Variants in MAL observed in about 807,000 individuals in gnomAD.
MAL encodes myelin and lymphocyte protein.
MAL carries 5 observed loss-of-function variants against 16.7 expected under a neutral mutation model. That is an observed-to-expected ratio of 0.30 (90% confidence interval 0.16 to 0.63). The LOEUF is 0.63. Among genes scored for constraint, MAL ranks in the 30% least tolerant of loss-of-function variants. MAL has a pLI of 0.82. For synonymous variants in MAL, 96 were observed against 85.5 expected (o/e 1.12, Z -0.67); for missense variants, 202 against 195.8 (o/e 1.03, Z -0.19).
chr2:95,042,192 G>A (rs1158865072), intron 1 of MAL, among the ~76,000 whole-genome samples: 1 of 152,226 alleles, frequency 6.6e-6, no homozygotes, highest in African/African-American at 2.4e-5. Flanking sequence ...AGGCTGGGCA[G>A]GACCTGGAGG....
Position 95,047,947 on chromosome 2 carries a change from C to A in MAL, c.94-12C>A. 7 of 1,611,726 alleles carry A rather than the reference C, an allele frequency of 4.3e-6. No individual in the cohort carries two copies. The highest frequency in any genetic ancestry group is 5.9e-6 in the Non-Finnish European group (7 of 1,178,862). On this transcript the variant is annotated splice_polypyrimidine_tract_variant and intron_variant, in intron 1 of 3. Transcript: ENST00000309988. Reference sequence around the variant, plus strand: ...CTCTAGGCCAAAACTCACCCCTCCTCCTCCCCCGCAGATCTTCGGGGGCCT... The same window carrying A: ...CTCTAGGCCAAAACTCACCCCTCCTACTCCCCCGCAGATCTTCGGGGGCCT...
At chr2:95,040,828 A>G (rs1434503390) in intron 1 of MAL, among the ~76,000 whole-genome samples, 1 of 152,170 alleles carries the variant, frequency 6.6e-6, no homozygotes, top group Non-Finnish European at 1.5e-5. Context: ...ACAATGGTGC[A>G]CAGCCTCTGT....
intron 1 of MAL, among the ~76,000 whole-genome samples, chr2:95,028,547 C>T (rs540097967): frequency 6.7e-4 from 102 of 152,216 alleles, no homozygotes; most frequent in African/African-American, 2.4e-3. Context: ...TACCCTCTGA[C>T]CCAGCAATTC....
chr2:95,028,152 C>CAAAAAAAAAAAAAAAAAAAA (rs898443996), intron 1 of MAL, among the ~76,000 whole-genome samples: 1 of 39,702 alleles, frequency 2.5e-5, no homozygotes, highest in African/African-American at 1.0e-4. Flanking sequence ...ACTAAAAATA[C>CAAAAAAAAAAAAAAAAAAAA]AAAAAAAAAA....
intron 1 of MAL, among the ~76,000 whole-genome samples, chr2:95,040,628 G>A (rs1674438604): frequency 6.6e-6 from 1 of 152,182 alleles, no homozygotes; most frequent in South Asian, 2.1e-4. Flanking sequence ...TGAATAGATT[G>A]CCAGAAACAT....
Position 95,025,810 on chromosome 2 carries a change from G to C in MAL, c.18G>C (p.Ala6=), listed in dbSNP as rs1573281248. The part of the protein sequence containing the change: MAPAA[A]TGGSTLPSGF... ...ACGCCGTCATGGCCCCCGCAGCGGC[G>C]ACGGGGGGCAGCACCCTGCCCAGTG... Residue 6 remains alanine (A), a synonymous_variant, in exon 1 of 4, where the codon GCG becomes GCC. Coordinates refer to ENST00000309988, the MANE Select transcript of MAL (RefSeq NM_002371.4). The surrounding 1 kb of genome is among the most constrained non-coding windows in gnomAD (Gnocchi z 5.6). 1 of 1,561,704 alleles carries C rather than the reference G, an allele frequency of 6.4e-7. No individual in the cohort carries two copies. Among genetic ancestry groups the C allele is most frequent in the South Asian group, 1.2e-5 (1 of 83,576 alleles).
At chr2:95,053,243 T>A (rs1278897164) in intron 3 of MAL, 138 bp from the exon 4 acceptor site, 4 of 705,640 alleles carry the variant, frequency 5.7e-6, no homozygotes, top group Non-Finnish European at 1.0e-5. Context: ...AGGGCGTCCA[T>A]GTGAGGGTGA....
Position 95,049,690 on chromosome 2 carries a change from A to G in MAL, c.371A>G (p.Glu124Gly). 1 of 1,614,070 alleles carries G rather than the reference A, an allele frequency of 6.2e-7. No homozygotes were observed. The highest frequency in any genetic ancestry group is 8.5e-7 in the Non-Finnish European group (1 of 1,180,004). ...GGCTTCACCTACAGGCACTACCATG[A>G]AAACATTGCTGCCGTGGTGAGTCCG... is the stretch of plus-strand genomic sequence containing the variant. The part of the protein sequence containing the change: ...QDGFTYRHYH[E>G]NIAAVVFSYI... The change falls in exon 3 of 4, where the codon GAA becomes GGA. Residue 124 changes from glutamate (E) to glycine (G), a missense_variant. By Grantham distance (98) the Glu-to-Gly change is moderately conservative. Coordinates refer to ENST00000309988, the MANE Select transcript of MAL (RefSeq NM_002371.4).
intron 1 of MAL, among the ~76,000 whole-genome samples, chr2:95,035,969 A>G (rs966168330): frequency 6.6e-6 from 1 of 152,156 alleles, no homozygotes; most frequent in Non-Finnish European, 1.5e-5. Flanking sequence ...GTGCCCAGCA[A>G]CAGCTCTTCG....
chr2:95,038,023 T>A (rs1176109343), intron 1 of MAL, among the ~76,000 whole-genome samples: 50 of 92,666 alleles, frequency 5.4e-4, no homozygotes, highest in Middle Eastern at 0.011. Flanking sequence ...TGAGTGACTG[T>A]GTGAGTGACT....
chr2:95,041,844 G>A (rs1221165381), intron 1 of MAL, among the ~76,000 whole-genome samples: 1 of 152,076 alleles, frequency 6.6e-6, no homozygotes, highest in East Asian at 1.9e-4. Flanking sequence ...CATTTCATTG[G>A]GTAGACCATG....
In MAL at chr2:95,053,581, T is replaced by G; in HGVS notation, c.*126T>G. On this transcript the variant is annotated 3_prime_UTR_variant, in exon 4 of 4. Transcript: ENST00000309988. ...AAAAAGAAAACAACCACCCCCCCAC[T>G]GCCCAAAAAAAAAAGCCCTGCCCTG... The G allele has an allele frequency of 2.9e-6, 2 of 693,594 alleles. No individual in the cohort carries two copies. Among genetic ancestry groups the G allele is most frequent in the Non-Finnish European group, 2.4e-6 (1 of 410,610 alleles). 43.0% of individuals were successfully genotyped at this position (693,594 alleles called of 1,614,324 possible).
chr2:95,032,262 C>T (rs2104331621), intron 1 of MAL, among the ~76,000 whole-genome samples: 1 of 152,388 alleles, frequency 6.6e-6, no homozygotes, highest in South Asian at 2.1e-4. Flanking sequence ...TATTGTGCTG[C>T]CAGCACAGAC....
At chr2:95,028,149 A>C (rs1673988659) in intron 1 of MAL, among the ~76,000 whole-genome samples, 1 of 146,204 alleles carries the variant, frequency 6.8e-6, no homozygotes, top group African/African-American at 2.5e-5. Flanking sequence ...TCTACTAAAA[A>C]TACAAAAAAA....
At chr2:95,042,720 G>A (rs1337618986) in intron 1 of MAL, among the ~76,000 whole-genome samples, 1 of 152,150 alleles carries the variant, frequency 6.6e-6, no homozygotes, top group East Asian at 1.9e-4. Flanking sequence ...CAAAATAATT[G>A]CCTCTTTGCA....
intron 1 of MAL, among the ~76,000 whole-genome samples, chr2:95,039,360 CTGACTGAGTAACTGAG>C (rs1674378353): frequency 1.7e-5 from 1 of 59,554 alleles, no homozygotes; most frequent in South Asian, 5.4e-4. Flanking sequence ...GACTGACTGA[CTGACTGAGTAACTGAG>C]TGAGTGAGTG....
At chr2:95,048,919 T>A (rs1371940920) in intron 2 of MAL, among the ~76,000 whole-genome samples, 1 of 152,188 alleles carries the variant, frequency 6.6e-6, no homozygotes, top group East Asian at 1.9e-4. Flanking sequence ...CAGGCTCAAG[T>A]GATCGTCCTG....
At chr2:95,039,551 GGTAA>G (rs1404571068) in intron 1 of MAL, among the ~76,000 whole-genome samples, 8 of 138,408 alleles carry the variant, frequency 5.8e-5, no homozygotes, top group African/African-American at 1.1e-4. Flanking sequence ...TGAGTGACTT[GGTAA>G]GTGAGTGACT....
At chr2:95,034,871 C>G (rs1674169293) in intron 1 of MAL, among the ~76,000 whole-genome samples, 1 of 152,186 alleles carries the variant, frequency 6.6e-6, no homozygotes, top group Admixed American at 6.5e-5. Flanking sequence ...TCCTGGCACT[C>G]AGAGCACATC....
Sources: allele counts gnomAD v4.1 joint callset (sites outside exome capture counted in the v4.1 genomes callset), GRCh38; gene constraint gnomAD v4.1.1; non-coding constraint Gnocchi (gnomAD v3.1); transcripts MANE v1.5; gene names NCBI Gene and HGNC (gene_info 2026-07-23, HGNC 2026-07-21).